The following ZNF385B variants were observed in gnomAD, a reference collection of about 807,000 sequenced individuals.
ZNF385B encodes zinc finger protein 533.
Under a neutral mutation model 39.2 loss-of-function variants are expected in ZNF385B, and 23 were observed. The observed-to-expected ratio is 0.59, with a 90% confidence interval of 0.42 to 0.83. ZNF385B has a LOEUF of 0.83. Among genes scored for constraint, ZNF385B ranks in the 40% least tolerant of loss-of-function variants. The pLI, the probability that ZNF385B is intolerant of heterozygous loss-of-function variation, is 0.00. For missense variants in ZNF385B, 552 were observed against 598.9 expected (o/e 0.92, Z 0.82); for synonymous variants, 205 against 222.6 (o/e 0.92, Z 0.70).
At chr2:179,535,523 A>G (rs1033180384) in intron 4 of ZNF385B, among the ~76,000 whole-genome samples, 1 of 152,174 alleles carries the variant, frequency 6.6e-6, no homozygotes, top group Non-Finnish European at 1.5e-5. Context: ...CTATTCTTCA[A>G]TCTTCTGATT....
intron 6 of ZNF385B, among the ~76,000 whole-genome samples, chr2:179,483,025 TTA>T (rs142150059): frequency 9.3e-5 from 14 of 149,902 alleles, no homozygotes; most frequent in African/African-American, 2.7e-4. Context: ...GCATATATAC[TTA>T]TATATATATA....
intron 3 of ZNF385B, among the ~76,000 whole-genome samples, chr2:179,648,909 C>T (rs1692975075): frequency 6.6e-6 from 1 of 152,052 alleles, no homozygotes; most frequent in African/African-American, 2.4e-5. Flanking sequence ...ATGAGATATT[C>T]ATAAGGTTTC....
chr2:179,840,820 A>T (rs1185008452), intron 1 of ZNF385B, among the ~76,000 whole-genome samples: 1 of 152,216 alleles, frequency 6.6e-6, no homozygotes, highest in African/African-American at 2.4e-5. Flanking sequence ...ACATTTCTCA[A>T]CTATGCACAA....
In ZNF385B at chr2:179,454,416, C is replaced by T. The variant is rs57448918; in HGVS notation, c.716-7646G>A. Among the ~76,000 whole-genome samples, 542 of 152,216 alleles carry T rather than the reference C, an allele frequency of 3.6e-3. 18 individuals carry two copies. The East Asian group carries it at 0.055, about 16-fold the overall frequency. The stretch of plus-strand genomic sequence containing the variant: ...ACACAATTATGTAAGGTATATAATA[C>T]TTGATAATAATAAATGACTGTGTTA... On this transcript the variant is annotated intron_variant, in intron 6 of 9. Transcript: ENST00000410066.
chr2:179,685,755 C>G (rs1029659824), intron 3 of ZNF385B, among the ~76,000 whole-genome samples: 22 of 152,078 alleles, frequency 1.4e-4, no homozygotes, highest in African/African-American at 5.3e-4. Context: ...AGCCTGTGTA[C>G]CTACAACTTA....
rs1029736123 is a variant in ZNF385B, at chr2:179,554,728, C to G, written c.299-9759G>C. 4.0e-5 allele frequency among the ~76,000 whole-genome samples: 6 copies of G among 148,536 alleles called. 1 individual carries two copies. The highest frequency in any genetic ancestry group is 1.3e-4 in the African/African-American group (5 of 39,344). On this transcript the variant is annotated intron_variant, in intron 3 of 9. Coordinates refer to ENST00000410066, the MANE Select transcript of ZNF385B (RefSeq NM_152520.6). The stretch of plus-strand genomic sequence containing the variant: ...TTCACAAAAGCATATATTAAAATGG[C>G]CAATAAACATACAAAAACGGTGCTT...
At chr2:179,470,489 C>CCG (rs200507734) in intron 6 of ZNF385B, among the ~76,000 whole-genome samples, 1 of 152,090 alleles carries the variant, frequency 6.6e-6, no homozygotes, top group African/African-American at 2.4e-5. Context: ...GTTTGGCCCC[C>CCG]CCGGGCTATG....
chr2:179,791,604 C>T (rs972986721), intron 1 of ZNF385B, among the ~76,000 whole-genome samples: 1 of 152,142 alleles, frequency 6.6e-6, no homozygotes, highest in Non-Finnish European at 1.5e-5. Flanking sequence ...ATTTAAAAAC[C>T]TCAGCAATCA....
chr2:179,807,669 G>C (rs2106562144), intron 1 of ZNF385B, among the ~76,000 whole-genome samples: 2 of 152,100 alleles, frequency 1.3e-5, no homozygotes, highest in Middle Eastern at 6.8e-3. Flanking sequence ...GCCAAGGTGG[G>C]CGGATCATAA....
intron 1 of ZNF385B, among the ~76,000 whole-genome samples, chr2:179,776,088 T>C (rs1704297135): frequency 6.6e-6 from 1 of 152,254 alleles, no homozygotes; most frequent in Admixed American, 6.5e-5. Context: ...CTATATTGCA[T>C]GAACCTCATA....
At chr2:179,459,890 G>C (rs1402004257) in intron 6 of ZNF385B, among the ~76,000 whole-genome samples, 3 of 151,542 alleles carry the variant, frequency 2.0e-5, no homozygotes, top group African/African-American at 7.3e-5. Flanking sequence ...GATCACCTGA[G>C]GTCAGGAGTT....
Position 179,448,383 on chromosome 2 carries a change from C to T in ZNF385B, c.716-1613G>A, listed in dbSNP as rs184918501. ...TCAGTAATCTTAATATTTGGAATTA[C>T]TCAGTTTCTTGCGATGAAAATTAAA... On this transcript the variant is annotated intron_variant, in intron 6 of 9. Coordinates refer to ENST00000410066, the MANE Select transcript of ZNF385B (RefSeq NM_152520.6). Among the ~76,000 whole-genome samples the T allele has an allele frequency of 1.3e-3, 205 of 152,156 alleles. 1 individual carries two copies. Among genetic ancestry groups the T allele is most frequent in the African/African-American group, 4.6e-3 (191 of 41,528 alleles).
chr2:179,540,239 G>A (rs1479755794), intron 4 of ZNF385B, among the ~76,000 whole-genome samples: 1 of 152,094 alleles, frequency 6.6e-6, no homozygotes, highest in Non-Finnish European at 1.5e-5. Context: ...CTGAGGTTGG[G>A]AGTTGGAGAC....
intron 3 of ZNF385B, among the ~76,000 whole-genome samples, chr2:179,545,454 T>C (rs1489866627): frequency 6.6e-6 from 1 of 152,172 alleles, no homozygotes; most frequent in Non-Finnish European, 1.5e-5. Context: ...AGTTACTGTC[T>C]GCTCTCAAAG....
intron 3 of ZNF385B, among the ~76,000 whole-genome samples, chr2:179,697,435 G>A (rs1447128117): frequency 6.6e-6 from 1 of 152,168 alleles, no homozygotes; most frequent in Non-Finnish European, 1.5e-5. Flanking sequence ...TTGGGAAGAA[G>A]ATGCCTTGTT....
At position 179,533,030 on chromosome 2, in the gene ZNF385B, C is replaced by CG. The variant is rs749149775; in HGVS notation, c.441+11796dup. ...ATTGCTGATAATTTCCTGTGATGAC[C>CG]GACTCCAGGAAATTCTGACATTACC... On this transcript the variant is annotated intron_variant, in intron 4 of 9. Transcript: ENST00000410066. Among the ~76,000 whole-genome samples, 4 of 152,106 alleles carry CG rather than the reference C, an allele frequency of 2.6e-5. No individual in the cohort carries two copies. In the East Asian group the frequency reaches 7.7e-4, roughly 29 times the overall value.
At chr2:179,790,637 CAGG>C (rs367606393) in intron 1 of ZNF385B, among the ~76,000 whole-genome samples, 7 of 152,336 alleles carry the variant, frequency 4.6e-5, no homozygotes, top group African/African-American at 1.7e-4. Flanking sequence ...CTACTAGGAA[CAGG>C]AGAACAGTAC....
At chr2:179,631,857 C>G (rs1691253091) in intron 3 of ZNF385B, among the ~76,000 whole-genome samples, 1 of 146,140 alleles carries the variant, frequency 6.8e-6, no homozygotes, top group South Asian at 2.2e-4. Flanking sequence ...AAAAAAAACA[C>G]AAAAACAAAC....
intron 4 of ZNF385B, among the ~76,000 whole-genome samples, chr2:179,525,155 A>G (rs2058809671): frequency 6.6e-6 from 1 of 152,186 alleles, no homozygotes; most frequent in African/African-American, 2.4e-5. Context: ...CTAAAGAAAC[A>G]CTGCCAGAAT....
Sources: gnomAD v4.1 joint callset for allele counts (sites outside exome capture counted in the v4.1 genomes callset) on GRCh38, gnomAD v4.1.1 for gene constraint, MANE v1.5 for transcripts, NCBI Gene and HGNC (gene_info 2026-07-23, HGNC 2026-07-21) for gene names.